Variants in KANSL1L observed in about 807,000 individuals in gnomAD.
KANSL1L encodes KAT8 regulatory NSL complex subunit 1 like.
KANSL1L carries 25 observed loss-of-function variants against 108.6 expected under a neutral mutation model. That is an observed-to-expected ratio of 0.23 (90% CI 0.17 to 0.32). The LOEUF (loss-of-function observed/expected upper bound fraction) is 0.32. Ranked by LOEUF, KANSL1L falls within the 10% of genes least tolerant of loss-of-function variation. The pLI is 1.00. For synonymous variants in KANSL1L, 405 were observed against 395.1 expected, an observed-to-expected ratio of 1.03 and a Z score of -0.30; for missense variants, 1,137 against 1,125.7, an observed-to-expected ratio of 1.01 and a Z score of -0.14.
intron 10 of KANSL1L, chr2:210,029,221 GACC>G: frequency 2.9e-6 from 1 of 341,184 alleles, no homozygotes; most frequent in Admixed American, 5.1e-5. Context: ...TTATTTTTAA[GACC>G]ACAAAAAATA....
At chr2:210,162,267 T>G (rs1462007381) in intron 1 of KANSL1L, among the ~76,000 whole-genome samples, 1 of 129,450 alleles carries the variant, frequency 7.7e-6, no homozygotes, top group Non-Finnish European at 1.7e-5. Context: ...AATTAAAAAA[T>G]TAAAGAACTT....
At chr2:210,127,135 C>G (rs1575582323) in intron 3 of KANSL1L, among the ~76,000 whole-genome samples, 1 of 152,020 alleles carries the variant, frequency 6.6e-6, no homozygotes, top group African/African-American at 2.4e-5. Flanking sequence ...GAATAGAGAA[C>G]CCAGAAATAA....
chr2:210,150,708 G>C (rs1029529221), intron 2 of KANSL1L, among the ~76,000 whole-genome samples: 1 of 151,612 alleles, frequency 6.6e-6, no homozygotes, highest in African/African-American at 2.4e-5. Flanking sequence ...CTTGAACCCA[G>C]GACGTGGAGG....
intron 8 of KANSL1L, among the ~76,000 whole-genome samples, chr2:210,033,660 G>C (rs2094056084): frequency 6.6e-6 from 1 of 151,288 alleles, no homozygotes; most frequent in African/African-American, 2.4e-5. Flanking sequence ...CTCCCGAGTA[G>C]CTGGGACTAC....
At chr2:210,031,981 T>TA (rs1464988565) in intron 8 of KANSL1L, among the ~76,000 whole-genome samples, 1 of 152,162 alleles carries the variant, frequency 6.6e-6, no homozygotes, top group Non-Finnish European at 1.5e-5. Context: ...GCATCATCTG[T>TA]AAAATAGGGA....
At chr2:210,091,745 T>C (rs989499642) in intron 5 of KANSL1L, among the ~76,000 whole-genome samples, 2 of 152,204 alleles carry the variant, frequency 1.3e-5, no homozygotes, top group African/African-American at 4.8e-5. Context: ...CACTTACACA[T>C]GCCCATATGG....
chr2:210,068,604 C>T (rs774723714), intron 6 of KANSL1L, among the ~76,000 whole-genome samples: 1 of 152,174 alleles, frequency 6.6e-6, no homozygotes, highest in African/African-American at 2.4e-5. Context: ...ATTTACCTTC[C>T]TTTTTATTGG....
intron 6 of KANSL1L, among the ~76,000 whole-genome samples, chr2:210,064,827 A>G (rs2094451817): frequency 6.6e-6 from 1 of 151,442 alleles, no homozygotes. Context: ...CAAAAAAAAA[A>G]AAAAAAAAAA....
chr2:210,138,358 T>C (rs967274347), intron 2 of KANSL1L, among the ~76,000 whole-genome samples: 2 of 152,022 alleles, frequency 1.3e-5, no homozygotes, highest in Middle Eastern at 3.2e-3. Context: ...AAGCTAACTA[T>C]TGTATATTAT....
intron 12 of KANSL1L, 22 bp downstream of exon 12, chr2:210,027,274 C>A: frequency 6.6e-7 from 1 of 1,520,340 alleles, no homozygotes; most frequent in Non-Finnish European, 9.1e-7. Context: ...GCAATTATCC[C>A]ATTAAATGAA....
intron 3 of KANSL1L, among the ~76,000 whole-genome samples, chr2:210,122,032 A>T (rs113201991): frequency 1.2e-3 from 184 of 152,310 alleles, no homozygotes; most frequent in African/African-American, 4.4e-3. Context: ...AAGAAACTGA[A>T]GAGGATACAC....
At chr2:210,076,152 C>T (rs377714889) in intron 5 of KANSL1L, among the ~76,000 whole-genome samples, 1 of 151,938 alleles carries the variant, frequency 6.6e-6, no homozygotes, top group Non-Finnish European at 1.5e-5. Flanking sequence ...AAAGTCATCA[C>T]TCCATTATTA....
chr2:210,163,969 A>G (rs2095373854), intron 1 of KANSL1L, among the ~76,000 whole-genome samples: 1 of 152,144 alleles, frequency 6.6e-6, no homozygotes, highest in Non-Finnish European at 1.5e-5. Flanking sequence ...TTCATGAGAT[A>G]TATTTTATTG....
At chr2:210,142,914 T>C (rs1409364776) in intron 2 of KANSL1L, among the ~76,000 whole-genome samples, 1 of 152,138 alleles carries the variant, frequency 6.6e-6, no homozygotes, top group Non-Finnish European at 1.5e-5. Flanking sequence ...AAACAATGTG[T>C]ATTACAATGT....
intron 3 of KANSL1L, among the ~76,000 whole-genome samples, chr2:210,114,562 C>T (rs1038865177): frequency 1.1e-4 from 17 of 152,078 alleles, no homozygotes; most frequent in African/African-American, 4.1e-4. Flanking sequence ...ATAATTATAA[C>T]AGCTAGTATT....
chr2:210,153,285 C>T lies in KANSL1L; in HGVS notation c.1088+210G>A, dbSNP rs553372917. The stretch of plus-strand genomic sequence containing the variant: ...AGGAAAATTGTTTGAACCCGGGAGG[C>T]GGAGGTTGCAGTGAGCCAGGATTGC... On this transcript the variant is annotated intron_variant, in intron 2 of 14. Coordinates refer to ENST00000281772, the MANE Select transcript of KANSL1L (RefSeq NM_152519.4). 161 of 419,918 alleles carry T rather than the reference C, an allele frequency of 3.8e-4. 1 individual carries two copies. Among genetic ancestry groups the T allele is most frequent in the African/African-American group, 2.9e-3 (140 of 47,596 alleles). 26.0% of individuals were successfully genotyped at this position (419,918 alleles called of 1,614,324 possible).
chr2:210,129,027 A>G lies in KANSL1L; in HGVS notation c.1230+4T>C, dbSNP rs760332785. 1.2e-5 allele frequency: 20 copies of G among 1,612,004 alleles called. No homozygotes were observed. Among genetic ancestry groups the G allele is most frequent in the Middle Eastern group, 1.7e-4 (1 of 6,050 alleles). ...AAAAGTAGAAGAACACAGACAGACA[A>G]TACCTTGGAGGCACGAATTTGCCTG... On this transcript the variant is annotated splice_donor_region_variant and intron_variant, in intron 3 of 14. Transcript: ENST00000281772.
At chr2:210,053,972 A>T (rs1231534656) in intron 6 of KANSL1L, among the ~76,000 whole-genome samples, 2 of 152,140 alleles carry the variant, frequency 1.3e-5, no homozygotes, top group Admixed American at 6.6e-5. Context: ...AATGGCTCTT[A>T]AACATATGCA....
At chr2:210,050,236 A>G (rs2094275042) in intron 6 of KANSL1L, among the ~76,000 whole-genome samples, 1 of 152,186 alleles carries the variant, frequency 6.6e-6, no homozygotes, top group African/African-American at 2.4e-5. Flanking sequence ...CAGGGGGCAG[A>G]AAAAAGGCAT....
Sources: allele counts gnomAD v4.1 joint callset (sites outside exome capture counted in the v4.1 genomes callset), GRCh38; gene constraint gnomAD v4.1.1; transcripts MANE v1.5; gene names NCBI Gene and HGNC (gene_info 2026-07-23, HGNC 2026-07-21).